The following ANXA1 variants were observed in gnomAD, a reference collection of about 807,000 sequenced individuals.
ANXA1 encodes the protein annexin I (lipocortin I).
Under a neutral mutation model 47.9 loss-of-function variants are expected in ANXA1, and 39 were observed. That is an observed-to-expected ratio of 0.81 (90% CI 0.63 to 1.06). The LOEUF (loss-of-function observed/expected upper bound fraction) is 1.06. ANXA1 is among the 50% of genes least tolerant of loss of function. The probability of loss-of-function intolerance (pLI) is 0.00; values close to 1 mark genes in which losing one functional copy is unlikely to be tolerated. For synonymous variants in ANXA1, 146 were observed against 142.5 expected (o/e 1.02, Z -0.17); for missense variants, 446 against 422.7 (o/e 1.06, Z -0.48).
intron 1 of ANXA1, among the ~76,000 whole-genome samples, chr9:73,153,133 A>G (rs938649973): frequency 1.7e-4 from 26 of 152,178 alleles, no homozygotes; most frequent in Non-Finnish European, 2.2e-4. Context: ...TCCAGGCTCA[A>G]CCACATCCAG....
intron 1 of ANXA1, among the ~76,000 whole-genome samples, chr9:73,155,574 A>G (rs568592968): frequency 7.2e-5 from 11 of 152,200 alleles, no homozygotes; most frequent in Non-Finnish European, 1.2e-4. Context: ...GCCCTTAACC[A>G]GCTGTATGTG....
chr9:73,167,490 C>A lies in ANXA1; in HGVS notation c.803-7C>A. The A allele has an allele frequency of 1.2e-6, 2 of 1,611,984 alleles. No homozygotes were observed. The highest frequency in any genetic ancestry group is 1.7e-6 in the Non-Finnish European group (2 of 1,179,080). On this transcript the variant is annotated splice_region_variant and splice_polypyrimidine_tract_variant and intron_variant, in intron 10 of 12. Coordinates refer to ENST00000257497, the MANE Select transcript of ANXA1 (RefSeq NM_000700.3). ...AATACATCAACTAAAATTTTCTTCT[C>A]TAACAGTGAAGTGCGCCACAAGCAA... is the stretch of plus-strand genomic sequence containing the variant.
Position 73,166,152 on chromosome 9 carries a change from G to A in ANXA1, c.762G>A (p.Leu254=), listed in dbSNP as rs1427883017. 4 of 1,612,408 alleles carry A rather than the reference G, an allele frequency of 2.5e-6. No homozygotes were observed. The highest frequency in any genetic ancestry group is 2.2e-5 in the East Asian group (1 of 44,804). Residue 254 remains leucine, a synonymous_variant, in exon 10 of 13, where the codon CTG becomes CTA. Transcript: ENST00000257497. ...SKHDMNKVLD[L]ELKGDIEKCL... is the part of the protein sequence containing the mutation. ...ATGACATGAACAAAGTTCTGGACCT[G>A]GAGTTGAAAGGTGACATTGAGAAAT...
At chr9:73,156,842 T>C (rs1311282160) in intron 1 of ANXA1, among the ~76,000 whole-genome samples, 1 of 152,132 alleles carries the variant, frequency 6.6e-6, no homozygotes, top group Non-Finnish European at 1.5e-5. Flanking sequence ...ATGGTGTAGA[T>C]AGACAGATCA....
At chr9:73,164,071 G>A (rs1033514824) in intron 8 of ANXA1, among the ~76,000 whole-genome samples, 12 of 151,952 alleles carry the variant, frequency 7.9e-5, no homozygotes, top group Non-Finnish European at 1.5e-4. Context: ...CAAACCACTG[G>A]CAACATAAGA....
chr9:73,164,465 T>C (rs895041260), intron 8 of ANXA1, among the ~76,000 whole-genome samples: 11 of 152,202 alleles, frequency 7.2e-5, no homozygotes, highest in African/African-American at 2.7e-4. Context: ...TTTCTGAATT[T>C]GCTTTCCATT....
chr9:73,160,658 A>G (rs1824125895), intron 5 of ANXA1, 145 bp from the exon 6 acceptor site: 1 of 657,362 alleles, frequency 1.5e-6, no homozygotes, highest in Non-Finnish European at 2.7e-6. Context: ...GGGCAATGTA[A>G]TAGAGCTTAT....
At chr9:73,160,218 C>T (rs373805146) in intron 4 of ANXA1, 45 bp from the exon 5 acceptor site, 1 of 1,357,286 alleles carries the variant, frequency 7.4e-7, no homozygotes, top group Non-Finnish European at 1.0e-6. Flanking sequence ...TTTAACCTAG[C>T]ATGTTACTTA....
At chr9:73,153,685 T>A (rs1412289950) in intron 1 of ANXA1, among the ~76,000 whole-genome samples, 1 of 152,330 alleles carries the variant, frequency 6.6e-6, no homozygotes, top group South Asian at 2.1e-4. Flanking sequence ...TAGAAAATGT[T>A]CATTAAATTA....
At position 73,158,751 on chromosome 9, in the gene ANXA1, C is replaced by A; in HGVS notation, c.123C>A (p.Thr41=). Residue 41 remains threonine (T), a synonymous_variant, in exon 3 of 13, where the codon ACC becomes ACA. Coordinates refer to ENST00000257497, the MANE Select transcript of ANXA1 (RefSeq NM_000700.3). ...GPGSAVSPYP[T]FNPSSDVAAL... ...GATCAGCGGTGAGCCCCTATCCTAC[C>A]TTCAATCCATCCTCGGATGTCGCTG... is the stretch of plus-strand genomic sequence containing the variant. The A allele has an allele frequency of 1.9e-6, 3 of 1,613,924 alleles. No homozygotes were observed. The highest frequency in any genetic ancestry group is 1.7e-6 in the Non-Finnish European group (2 of 1,179,888).
At chr9:73,164,578 C>T (rs1824195634) in intron 8 of ANXA1, among the ~76,000 whole-genome samples, 2 of 151,892 alleles carry the variant, frequency 1.3e-5, no homozygotes, top group African/African-American at 2.4e-5. Flanking sequence ...ATAAAGACCG[C>T]TTGTGACAAT....
At chr9:73,153,839 C>T (rs1824006514) in intron 1 of ANXA1, among the ~76,000 whole-genome samples, 1 of 152,084 alleles carries the variant, frequency 6.6e-6, no homozygotes, top group Non-Finnish European at 1.5e-5. Flanking sequence ...TAGCACGGGC[C>T]TCATGGCCTG....
In ANXA1 at chr9:73,156,293, A is replaced by C. The variant is rs1824048051; in HGVS notation, c.-14-2229A>C. On this transcript the variant is annotated intron_variant, in intron 1 of 12. Coordinates refer to ENST00000257497, the MANE Select transcript of ANXA1 (RefSeq NM_000700.3). ...CAAAGCCTTGGATGAAATGATGAAA[A>C]TGGAAATTTTGAGTGCCTGAAGCTG... 2.0e-5 allele frequency among the ~76,000 whole-genome samples: 3 copies of C among 151,972 alleles called. No homozygotes were observed. The South Asian group carries it at 6.2e-4, about 31-fold the overall frequency.
rs533499971 is a variant in ANXA1, at chr9:73,162,841, G to A, written c.535G>A (p.Ala179Thr). The A allele has an allele frequency of 2.6e-5, 42 of 1,612,884 alleles. No individual in the cohort carries two copies. In the South Asian group the frequency reaches 4.1e-4, roughly 16 times the overall value. ...TSDTSGDFRN[A>T]LLSLAKGDRS... is the part of the protein sequence containing the mutation. ...AGACACATCTGGAGATTTTCGGAAC[G>A]CTTTGCTTTCTCTTGCTAAGGTACA... Residue 179 changes from alanine (A) to threonine (T), a missense_variant, in exon 7 of 13, where the codon GCT (alanine) becomes ACT (threonine). Coordinates refer to ENST00000257497, the MANE Select transcript of ANXA1 (RefSeq NM_000700.3).
At chr9:73,166,039 A>T in intron 9 of ANXA1, 58 bp from the exon 10 acceptor site, 1 of 1,386,232 alleles carries the variant, frequency 7.2e-7, no homozygotes, top group Non-Finnish European at 9.9e-7. Context: ...TGATTTTGCT[A>T]AAGCTTTCTA....
chr9:73,169,204 G>T, intron 12 of ANXA1, 50 bp downstream of exon 12: 1 of 1,539,844 alleles, frequency 6.5e-7, no homozygotes, highest in Non-Finnish European at 8.7e-7. Flanking sequence ...AGTTCTTTTT[G>T]CAAGATCTTC....
At chr9:73,169,975 ATTC>A in intron 12 of ANXA1, 73 bp from the exon 13 acceptor site, 1 of 1,078,374 alleles carries the variant, frequency 9.3e-7, no homozygotes, top group Non-Finnish European at 1.3e-6. Context: ...TCTAAAAATA[ATTC>A]TTCTATAAGT....
intron 3 of ANXA1, 139 bp from the exon 4 acceptor site, chr9:73,159,190 C>T (rs979530826): frequency 2.3e-5 from 16 of 686,632 alleles, no homozygotes; most frequent in African/African-American, 1.3e-4. Context: ...AGTATAGCAT[C>T]GATTTTTTAG....
chr9:73,153,617 G>T (rs944425450), intron 1 of ANXA1, among the ~76,000 whole-genome samples: 3 of 152,056 alleles, frequency 2.0e-5, no homozygotes, highest in African/African-American at 7.2e-5. Context: ...AGGTCAGATC[G>T]CCAGATAATC....
Sources: gnomAD v4.1 joint callset for allele counts (sites outside exome capture counted in the v4.1 genomes callset) on GRCh38, gnomAD v4.1.1 for gene constraint, MANE v1.5 for transcripts, NCBI Gene and HGNC (gene_info 2026-07-23, HGNC 2026-07-21) for gene names.